GNA14: variants seen among roughly 807,000 people sequenced by gnomAD.
GNA14 encodes the protein guanine nucleotide-binding protein subunit alpha-14.
Under a neutral mutation model 42.0 loss-of-function variants are expected in GNA14, and 50 were observed. The ratio of observed to expected loss-of-function variants is 1.19; its 90% CI spans 0.95 to 1.51. The LOEUF is 1.51. GNA14 is among the 40% of genes most tolerant of loss of function. GNA14 has a pLI of 0.00. For synonymous variants in GNA14, 173 were observed against 163.1 expected (o/e 1.06, Z -0.46); for missense variants, 473 against 446.2 (o/e 1.06, Z -0.54).
intron 2 of GNA14, among the ~76,000 whole-genome samples, chr9:77,453,300 C>G (rs1835947236): frequency 1.3e-5 from 2 of 152,150 alleles, no homozygotes; most frequent in Non-Finnish European, 2.9e-5. Flanking sequence ...ACTTCCCAAT[C>G]CCCAGAACTG....
intron 2 of GNA14, among the ~76,000 whole-genome samples, chr9:77,443,227 A>G (rs1450921941): frequency 2.0e-5 from 3 of 152,258 alleles, no homozygotes; most frequent in Non-Finnish European, 4.4e-5. Context: ...ATTCAAAATA[A>G]CTGTAGAATA....
intron 1 of GNA14, among the ~76,000 whole-genome samples, chr9:77,645,842 A>C (rs1302052666): frequency 6.6e-6 from 1 of 152,192 alleles, no homozygotes; most frequent in Non-Finnish European, 1.5e-5. Flanking sequence ...GACACAAATC[A>C]AAGCATTGCA....
At chr9:77,531,497 G>T (rs1432047696) in intron 1 of GNA14, among the ~76,000 whole-genome samples, 1 of 152,158 alleles carries the variant, frequency 6.6e-6, no homozygotes. Context: ...TGGAGTCCCT[G>T]CATGTGACTA....
intron 2 of GNA14, among the ~76,000 whole-genome samples, chr9:77,435,567 T>G (rs1288002186): frequency 6.6e-6 from 1 of 152,098 alleles, no homozygotes; most frequent in Non-Finnish European, 1.5e-5. Flanking sequence ...TATTTATTAT[T>G]ACTATGATTA....
intron 1 of GNA14, among the ~76,000 whole-genome samples, chr9:77,614,199 C>A (rs1011797342): frequency 6.6e-6 from 1 of 152,112 alleles, no homozygotes; most frequent in Non-Finnish European, 1.5e-5. Flanking sequence ...CCTTCTCTAA[C>A]CAAAGGCCTC....
intron 1 of GNA14, among the ~76,000 whole-genome samples, chr9:77,621,171 C>T (rs1823916321): frequency 6.6e-6 from 1 of 152,086 alleles, no homozygotes. Flanking sequence ...TGGACTCAAG[C>T]AATCTGCCTG....
intron 2 of GNA14, among the ~76,000 whole-genome samples, chr9:77,509,214 T>G (rs1837121084): frequency 1.3e-5 from 2 of 152,254 alleles, no homozygotes; most frequent in Admixed American, 6.5e-5. Flanking sequence ...TTTGCCTTTT[T>G]CTGTCTGGCT....
chr9:77,518,261 C>A (rs1276594020), intron 2 of GNA14, among the ~76,000 whole-genome samples: 2 of 152,110 alleles, frequency 1.3e-5, no homozygotes, highest in Non-Finnish European at 2.9e-5. Context: ...GCTGTTGTCC[C>A]TTTCTAGTAT....
intron 1 of GNA14, among the ~76,000 whole-genome samples, chr9:77,547,804 G>C (rs750775199): frequency 5.3e-5 from 8 of 152,084 alleles, no homozygotes; most frequent in Non-Finnish European, 1.2e-4. Flanking sequence ...AATACATCAA[G>C]TAAATGAGTA....
At position 77,612,060 on chromosome 9, in the gene GNA14, T is replaced by C. The variant is rs567918992; in HGVS notation, c.124+35610A>G. ...AACAATATTGATAAAATAGTTATTA[T>C]TGAGTGGTTATAATATACTAGAAAC... is the stretch of plus-strand genomic sequence containing the variant. On this transcript the variant is annotated intron_variant, in intron 1 of 6. Transcript: ENST00000341700. Among the ~76,000 whole-genome samples the C allele has an allele frequency of 2.6e-5, 4 of 152,318 alleles. No homozygotes were observed. In the South Asian group the frequency reaches 8.3e-4, roughly 32 times the overall value.
chr9:77,609,788 A>C (rs1033257088), intron 1 of GNA14, among the ~76,000 whole-genome samples: 1 of 152,170 alleles, frequency 6.6e-6, no homozygotes, highest in Non-Finnish European at 1.5e-5. Context: ...GAGCGCTTTG[A>C]ACAAATGTGA....
intron 2 of GNA14, among the ~76,000 whole-genome samples, chr9:77,450,907 A>G (rs1253943629): frequency 6.6e-6 from 1 of 151,986 alleles, no homozygotes; most frequent in Non-Finnish European, 1.5e-5. Context: ...CCCTGCACAC[A>G]CTGTCTTGCC....
chr9:77,540,147 C>T (rs887312260), intron 1 of GNA14, among the ~76,000 whole-genome samples: 4 of 151,994 alleles, frequency 2.6e-5, no homozygotes, highest in African/African-American at 9.7e-5. Context: ...TCTCTGTATC[C>T]CACAGGTTTT....
intron 2 of GNA14, among the ~76,000 whole-genome samples, chr9:77,496,498 G>A (rs907511560): frequency 2.0e-5 from 3 of 152,214 alleles, no homozygotes; most frequent in African/African-American, 7.2e-5. Flanking sequence ...AGATATAGGA[G>A]TGGCTGAGGG....
chr9:77,460,419 C>A (rs868006614), intron 2 of GNA14, among the ~76,000 whole-genome samples: 1 of 152,208 alleles, frequency 6.6e-6, no homozygotes, highest in African/African-American at 2.4e-5. Flanking sequence ...ACCAGCCCTG[C>A]CGACACCTTG....
chr9:77,640,151 G>T (rs899486391), intron 1 of GNA14, among the ~76,000 whole-genome samples: 8 of 152,204 alleles, frequency 5.3e-5, no homozygotes, highest in African/African-American at 1.9e-4. Flanking sequence ...AGGGGATGGG[G>T]TCAAGTCCTG....
chr9:77,502,479 G>A (rs2131744092), intron 2 of GNA14, among the ~76,000 whole-genome samples: 1 of 152,316 alleles, frequency 6.6e-6, no homozygotes. Flanking sequence ...CGATCCTGCT[G>A]GGTGACGGTT....
intron 2 of GNA14, chr9:77,526,401 G>A (rs181117260): frequency 6.6e-6 from 1 of 151,504 alleles, no homozygotes; most frequent in Admixed American, 6.6e-5. Context: ...AAACTTCAGA[G>A]TGAAACCTTA....
chr9:77,564,293 AT>A (rs1318374281), intron 1 of GNA14, among the ~76,000 whole-genome samples: 2 of 97,848 alleles, frequency 2.0e-5, no homozygotes, highest in African/African-American at 6.0e-5. Context: ...AGGCAGCACA[AT>A]TTAAAAAAAA....
Sources: allele counts gnomAD v4.1 joint callset (sites outside exome capture counted in the v4.1 genomes callset), GRCh38; gene constraint gnomAD v4.1.1; transcripts MANE v1.5; gene names NCBI Gene and HGNC (gene_info 2026-07-23, HGNC 2026-07-21).